RUNX1T1: variants seen among roughly 807,000 people sequenced by gnomAD.
RUNX1T1 encodes the protein RUNX1 partner transcriptional co-repressor 1.
RUNX1T1 carries 4 observed loss-of-function variants against 62.8 expected under a neutral mutation model. The ratio of observed to expected loss-of-function variants is 0.06; its 90% confidence interval spans 0.03 to 0.15. The LOEUF (loss-of-function observed/expected upper bound fraction) is 0.15. RUNX1T1 is among the 10% of genes least tolerant of loss of function. The pLI, the probability that RUNX1T1 is intolerant of heterozygous loss-of-function variation, is 1.00. For synonymous variants in RUNX1T1, 291 were observed against 286.0 expected (o/e 1.02, Z -0.18); for missense variants, 508 against 754.3 (o/e 0.67, Z 3.82).
intron 5 of RUNX1T1, among the ~76,000 whole-genome samples, chr8:92,000,386 T>A (rs1819535702): frequency 6.6e-6 from 1 of 152,174 alleles, no homozygotes; most frequent in Non-Finnish European, 1.5e-5. Context: ...TTAATATTTT[T>A]AAAAATCACT....
At chr8:91,997,933 A>G (rs1721319959) in intron 5 of RUNX1T1, among the ~76,000 whole-genome samples, 1 of 152,218 alleles carries the variant, frequency 6.6e-6, no homozygotes, top group Admixed American at 6.5e-5. Context: ...CTGGAGACTT[A>G]CTTTATTTTA....
chr8:92,059,361 A>G (rs1053155229), intron 1 of RUNX1T1, among the ~76,000 whole-genome samples: 1 of 152,212 alleles, frequency 6.6e-6, no homozygotes, highest in Non-Finnish European at 1.5e-5. Context: ...TTCAGTTACT[A>G]GGGATACTAA....
chr8:92,035,295 C>CA (rs746841942), intron 1 of RUNX1T1, among the ~76,000 whole-genome samples: 943 of 27,246 alleles, frequency 0.035, 6 homozygotes, highest in African/African-American at 0.068. Flanking sequence ...AATTCCATTT[C>CA]AAAAAAAAAA....
intron 2 of RUNX1T1, 105 bp downstream of exon 3, chr8:92,017,120 TA>T: frequency 1.2e-6 from 1 of 846,024 alleles, no homozygotes; most frequent in Non-Finnish European, 1.9e-6. Context: ...CATTTCTGCA[TA>T]ATACATTGAT....
intron 1 of RUNX1T1, among the ~76,000 whole-genome samples, chr8:92,036,014 G>A (rs1400105348): frequency 6.6e-6 from 1 of 152,108 alleles, no homozygotes; most frequent in Non-Finnish European, 1.5e-5. Flanking sequence ...AGTTCTTAAT[G>A]TAGCCTCATT....
At chr8:92,058,064 C>T (rs1831323002) in intron 1 of RUNX1T1, among the ~76,000 whole-genome samples, 1 of 152,058 alleles carries the variant, frequency 6.6e-6, no homozygotes, top group Non-Finnish European at 1.5e-5. Flanking sequence ...TCCCCTATGT[C>T]CCTGACTCCT....
intron 1 of RUNX1T1, among the ~76,000 whole-genome samples, chr8:92,034,836 ACC>A (rs893442323): frequency 6.7e-6 from 1 of 148,988 alleles, no homozygotes; most frequent in African/African-American, 2.5e-5. Context: ...ACACACACAC[ACC>A]ATGGAATACC....
intron 8 of RUNX1T1, among the ~76,000 whole-genome samples, chr8:91,981,461 C>T (rs563684209): frequency 8.3e-6 from 1 of 120,910 alleles, no homozygotes; most frequent in Admixed American, 1.1e-4. Context: ...GTCCTCCAGG[C>T]TGGAGTACAG....
At chr8:92,055,458 T>G (rs1003185390) in intron 1 of RUNX1T1, among the ~76,000 whole-genome samples, 3 of 152,192 alleles carry the variant, frequency 2.0e-5, no homozygotes, top group Admixed American at 2.0e-4. Flanking sequence ...TAATTTTTTT[T>G]TGAGACAGGG....
chr8:91,979,793 T>C (rs1007850785), intron 8 of RUNX1T1: 9 of 526,454 alleles, frequency 1.7e-5, no homozygotes, highest in African/African-American at 5.8e-5. Context: ...ATGGAGACCA[T>C]TGGATACTAG....
At chr8:92,025,973 T>C (rs1397394495) in intron 1 of RUNX1T1, among the ~76,000 whole-genome samples, 3 of 152,258 alleles carry the variant, frequency 2.0e-5, no homozygotes, top group Non-Finnish European at 4.4e-5. Context: ...TATACACATA[T>C]GATCTATGGC....
rs1483726115 is a variant in RUNX1T1, at chr8:91,959,436, G to A, written c.*806C>T. 132 of 114,426 alleles carry A rather than the reference G, an allele frequency of 1.2e-3. 1 individual carries two copies. The highest frequency in any genetic ancestry group is 7.5e-3 in the East Asian group (63 of 8,386). The allele number at this position is 114,426 out of a possible 1,614,324, so 7.1% of individuals were successfully genotyped here. ...CTTGTGTGTGTGTGTGTGTGTGTGT[G>A]TGTGTGTGTGTGTGTGTGTGTGTGT... is the stretch of plus-strand genomic sequence containing the variant. On this transcript the variant is annotated 3_prime_UTR_variant, in exon 11 of 11. Transcript: ENST00000396218.
At chr8:92,014,812 C>T (rs780234343) in exon 3 of RUNX1T1, 1 of 1,607,290 alleles carries the variant, frequency 6.2e-7, no homozygotes, top group Non-Finnish European at 8.5e-7. Context: ...TGGCTCGTGC[C>T]ATTAGTTACT....
chr8:92,056,717 T>A (rs1450672012), intron 1 of RUNX1T1, among the ~76,000 whole-genome samples: 1 of 152,082 alleles, frequency 6.6e-6, no homozygotes, highest in African/African-American at 2.4e-5. Flanking sequence ...TAGGAGCTCC[T>A]GGGGGCAGAG....
rs202121288 is a variant in RUNX1T1, at chr8:91,986,184, C to T, written c.1138G>A (p.Gly380Ser). The T allele has an allele frequency of 8.3e-5, 134 of 1,614,016 alleles. No homozygotes were observed. The highest frequency in any genetic ancestry group is 1.1e-4 in the Non-Finnish European group (125 of 1,179,984). ...TGCCTAGAGTGGCTGCTGCTACTGC[C>T]GCCACCTTTTTTTAAGTCCTCGGCG... Residue 380 changes from glycine (G) to serine (S), a missense_variant, in exon 8 of 11, where the codon GGC (glycine) becomes AGC (serine). Gly to Ser is a moderately conservative substitution (Grantham distance 56). Transcript: ENST00000396218.
rs569758475 is a variant in RUNX1T1 at position 91,995,782 on chromosome 8, G to A, written c.660-3893C>T. 1.4e-4 allele frequency among the ~76,000 whole-genome samples: 22 copies of A among 151,970 alleles called. No individual in the cohort carries two copies. In the South Asian group the frequency reaches 4.4e-3, roughly 30 times the overall value. On this transcript the variant is annotated intron_variant, in intron 5 of 10. Transcript: ENST00000396218. Reference sequence around the variant, plus strand: ...AGCCTGAGCAACAGAGTGAGACCCTGTCTCAAAAAAAAGGGGAAAAAAAGA... The same window carrying A: ...AGCCTGAGCAACAGAGTGAGACCCTATCTCAAAAAAAAGGGGAAAAAAAGA...
At chr8:92,005,917 G>T (rs1820674052) in intron 4 of RUNX1T1, 3 of 151,612 alleles carry the variant, frequency 2.0e-5, no homozygotes, top group Admixed American at 2.0e-4. Context: ...AATGCATAAA[G>T]CAGTATATTC....
At chr8:92,059,258 G>A (rs1049214129) in intron 1 of RUNX1T1, among the ~76,000 whole-genome samples, 19 of 152,144 alleles carry the variant, frequency 1.2e-4, no homozygotes, top group African/African-American at 4.3e-4. Flanking sequence ...AAAATAGAGT[G>A]TCAGTGAATG....
rs571916931 is a variant in RUNX1T1 at position 92,091,570 on chromosome 8, A to AT, written c.-86+8009dup. ...TACCGTGGCTTCAAAAACAACTCTC[A>AT]TTAGAAGATCACATCCCAAGTGAAG... On this transcript the variant is annotated intron_variant, in intron 1 of 11. Transcript: ENST00000265814. 2.1e-4 allele frequency among the ~76,000 whole-genome samples: 32 copies of AT among 152,342 alleles called. No individual in the cohort carries two copies. The South Asian group carries it at 6.4e-3, about 31-fold the overall frequency.
Sources: allele counts gnomAD v4.1 joint callset (sites outside exome capture counted in the v4.1 genomes callset), GRCh38; gene constraint gnomAD v4.1.1; transcripts MANE v1.5; gene names NCBI Gene and HGNC (gene_info 2026-07-23, HGNC 2026-07-21).